Variants in STARD13 observed in about 807,000 individuals in gnomAD.
STARD13 encodes stAR-related lipid transfer protein 13.
Under a neutral mutation model 106.4 loss-of-function variants are expected in STARD13, and 62 were observed. That is an observed-to-expected ratio of 0.58 (90% CI 0.48 to 0.72). The LOEUF (loss-of-function observed/expected upper bound fraction) is 0.72. STARD13 is among the 30% of genes least tolerant of loss of function. STARD13 has a pLI of 0.00. For synonymous variants in STARD13, 565 were observed against 553.0 expected (o/e 1.02, Z -0.31); for missense variants, 1,387 against 1,424.0 (o/e 0.97, Z 0.42).
chr13:33,208,389 G>A (rs531684468), intron 1 of STARD13, among the ~76,000 whole-genome samples: 1 of 152,252 alleles, frequency 6.6e-6, no homozygotes, highest in East Asian at 1.9e-4. Context: ...AGAAACAGGA[G>A]GCAAGGCAAG....
At chr13:33,241,471 T>C (rs958885118) in intron 1 of STARD13, among the ~76,000 whole-genome samples, 3 of 152,136 alleles carry the variant, frequency 2.0e-5, no homozygotes, top group Admixed American at 6.5e-5. Flanking sequence ...GAATCAAAGG[T>C]ATTTTTCTAG....
chr13:33,304,494 C>A (rs1384754362), intron 1 of STARD13, among the ~76,000 whole-genome samples: 1 of 152,076 alleles, frequency 6.6e-6, no homozygotes, highest in Non-Finnish European at 1.5e-5. Context: ...ATAAAAACCC[C>A]TTAAAATACT....
At chr13:33,193,840 T>C (rs1886423725) in intron 1 of STARD13, among the ~76,000 whole-genome samples, 1 of 152,226 alleles carries the variant, frequency 6.6e-6, no homozygotes, top group Non-Finnish European at 1.5e-5. Flanking sequence ...TCTGTACTAT[T>C]AATTGAATTT....
chr13:33,154,083 T>C (rs996837267), intron 3 of STARD13, among the ~76,000 whole-genome samples: 1 of 152,182 alleles, frequency 6.6e-6, no homozygotes, highest in Non-Finnish European at 1.5e-5. Context: ...GATATACTAA[T>C]GCCAAAGAGA....
At chr13:33,214,178 T>C (rs1301908124) in intron 1 of STARD13, among the ~76,000 whole-genome samples, 3 of 152,232 alleles carry the variant, frequency 2.0e-5, no homozygotes, top group African/African-American at 7.2e-5. Context: ...TTAAAGAGGA[T>C]TCTGAAAGTG....
chr13:33,361,767 C>T, the STARD13 span, among the ~76,000 whole-genome samples: 1 of 152,150 alleles, frequency 6.6e-6, no homozygotes. Flanking sequence ...TGAGAACTCA[C>T]TCACTATCGT....
the STARD13 span, among the ~76,000 whole-genome samples, chr13:33,466,604 G>T: frequency 3.4e-4 from 52 of 152,214 alleles, no homozygotes; most frequent in African/African-American, 1.2e-3. Context: ...CCCATGAAAT[G>T]AATGTGCTTA....
intron 1 of STARD13, among the ~76,000 whole-genome samples, chr13:33,320,350 G>T (rs946062836): frequency 2.0e-5 from 3 of 152,098 alleles, no homozygotes; most frequent in African/African-American, 7.2e-5. Context: ...GGATTCCAGG[G>T]GACTGTTCTG....
At chr13:33,654,429 GA>G in the STARD13 span, among the ~76,000 whole-genome samples, 1 of 152,042 alleles carries the variant, frequency 6.6e-6, no homozygotes, top group African/African-American at 2.4e-5. Flanking sequence ...AATCTATAGA[GA>G]CAGAAAGTAG....
At chr13:33,146,694 G>A (rs577717704) in intron 3 of STARD13, among the ~76,000 whole-genome samples, 1 of 152,190 alleles carries the variant, frequency 6.6e-6, no homozygotes, top group African/African-American at 2.4e-5. Flanking sequence ...ATCAACAAAA[G>A]TACTGGCAGA....
downstream of STARD13, among the ~76,000 whole-genome samples, chr13:33,347,024 G>T (rs1177694635): frequency 1.3e-5 from 2 of 152,194 alleles, no homozygotes; most frequent in East Asian, 1.9e-4. Flanking sequence ...AGTTAAAGAA[G>T]TTCCAGCACT....
At chr13:33,238,065 A>G (rs1451721719) in intron 1 of STARD13, among the ~76,000 whole-genome samples, 1 of 152,220 alleles carries the variant, frequency 6.6e-6, no homozygotes, top group Non-Finnish European at 1.5e-5. Context: ...TCTACTGAGT[A>G]GTTACAGGTG....
chr13:33,668,899 A>G, the STARD13 span, among the ~76,000 whole-genome samples: 12 of 152,336 alleles, frequency 7.9e-5, no homozygotes, highest in East Asian at 2.3e-3. Context: ...ATTTTCATTG[A>G]ATGGTCCAGC....
the STARD13 span, among the ~76,000 whole-genome samples, chr13:33,402,291 G>A: frequency 4.2e-4 from 64 of 152,212 alleles, no homozygotes; most frequent in Admixed American, 3.5e-3. Flanking sequence ...GTAATCTTTC[G>A]TAGTTTTAGA....
At chr13:33,178,950 T>C (rs1341321586) in intron 1 of STARD13, among the ~76,000 whole-genome samples, 2 of 152,296 alleles carry the variant, frequency 1.3e-5, no homozygotes, top group East Asian at 3.9e-4. Context: ...TCCAAATTTG[T>C]AAAACTAGCA....
the STARD13 span, among the ~76,000 whole-genome samples, chr13:33,497,791 T>C: frequency 6.6e-6 from 1 of 152,320 alleles, no homozygotes; most frequent in Admixed American, 6.5e-5. Flanking sequence ...GAGTATCAGG[T>C]TTGGTGAAGG....
upstream of STARD13, among the ~76,000 whole-genome samples, chr13:33,288,959 T>C (rs1892182922): frequency 6.6e-6 from 1 of 152,238 alleles, no homozygotes. Context: ...GATCATATAG[T>C]CCCCGTGTTA....
chr13:33,524,047 T>C, the STARD13 span, among the ~76,000 whole-genome samples: 3 of 152,124 alleles, frequency 2.0e-5, no homozygotes, highest in Non-Finnish European at 4.4e-5. Flanking sequence ...TTAACAACTA[T>C]ATATGTTCTC....
chr13:33,126,046 G>A (rs778567805), intron 7 of STARD13, 35 bp downstream of exon 7: 159 of 1,608,466 alleles, frequency 9.9e-5, no homozygotes, highest in Non-Finnish European at 1.3e-4. Flanking sequence ...ATGGTTGGGG[G>A]TGGTGGGGCA....
Sources: allele counts gnomAD v4.1 joint callset (sites outside exome capture counted in the v4.1 genomes callset), GRCh38; gene constraint gnomAD v4.1.1; transcripts MANE v1.5; gene names NCBI Gene and HGNC (gene_info 2026-07-23, HGNC 2026-07-21).